Variants in TNKS observed in about 807,000 individuals in gnomAD.
The protein encoded by TNKS is poly [ADP-ribose] polymerase tankyrase-1.
TNKS carries 72 observed loss-of-function variants against 135.8 expected under a neutral mutation model. The observed-to-expected ratio is 0.53, with a 90% confidence interval of 0.44 to 0.64. The LOEUF (loss-of-function observed/expected upper bound fraction) is 0.64. Among genes scored for constraint, TNKS ranks in the 30% least tolerant of loss-of-function variants. TNKS has a pLI of 0.00. For missense variants in TNKS, 1,769 were observed against 1,674.0 expected (o/e 1.06, Z -0.99); for synonymous variants, 849 against 649.3 (o/e 1.31, Z -4.68).
chr8:9,584,678 C>T (rs767352986), intron 2 of TNKS, among the ~76,000 whole-genome samples: 9 of 152,204 alleles, frequency 5.9e-5, no homozygotes, highest in Non-Finnish European at 1.3e-4. Flanking sequence ...AATGGGGCTT[C>T]TAAACTGATA....
At chr8:9,618,981 A>G (rs1459386225) in intron 3 of TNKS, among the ~76,000 whole-genome samples, 4 of 152,238 alleles carry the variant, frequency 2.6e-5, no homozygotes, top group East Asian at 1.9e-4. Flanking sequence ...ACAACTTCAC[A>G]GTACCCTTCT....
At chr8:9,661,901 C>G (rs1177510593) in intron 3 of TNKS, among the ~76,000 whole-genome samples, 1 of 152,138 alleles carries the variant, frequency 6.6e-6, no homozygotes, top group Admixed American at 6.5e-5. Context: ...AAAAAACAAA[C>G]AACCCCATCA....
chr8:9,639,587 A>G (rs1800647601), intron 3 of TNKS, among the ~76,000 whole-genome samples: 1 of 151,232 alleles, frequency 6.6e-6, no homozygotes, highest in South Asian at 2.1e-4. Context: ...ATTATGTAAG[A>G]GACTGTAAAA....
intron 5 of TNKS, among the ~76,000 whole-genome samples, chr8:9,693,445 G>A (rs112275145): frequency 0.024 from 3,601 of 152,130 alleles, 134 homozygotes; most frequent in African/African-American, 0.08. Context: ...TTGGGAAGAG[G>A]GCTTGTTTGG....
At position 9,556,454 on chromosome 8, in the gene TNKS, C is replaced by T; in HGVS notation, c.515C>T (p.Pro172Leu). 6.2e-7 allele frequency: 1 copy of T among 1,614,152 alleles called. No individual in the cohort carries two copies. ...TAPLGPGAAG[P>L]GTGVPAVSGA... ...CCACTGGGGCCTGGGGCAGCAGGAC[C>T]TGGGACAGGGGTCCCAGCAGTGAGC... Residue 172 changes from proline (P) to leucine (L), a missense_variant, in exon 1 of 27, where the codon CCT becomes CTT. Pro to Leu is a moderately conservative substitution (Grantham distance 98). Coordinates refer to ENST00000310430, the MANE Select transcript of TNKS (RefSeq NM_003747.3).
At chr8:9,731,142 T>A (rs958530251) in intron 14 of TNKS, 107 bp downstream of exon 14, 1 of 1,288,884 alleles carries the variant, frequency 7.8e-7, no homozygotes, top group African/African-American at 1.5e-5. Context: ...GTAATCGTTA[T>A]TTTTTGTTTA....
intron 1 of TNKS, among the ~76,000 whole-genome samples, chr8:9,574,407 C>T (rs1797866283): frequency 6.6e-6 from 1 of 152,178 alleles, no homozygotes; most frequent in African/African-American, 2.4e-5. Flanking sequence ...TTTGACCCAG[C>T]TGTACTTTCA....
At chr8:9,558,339 A>G (rs1036104757) in intron 1 of TNKS, 14 of 152,178 alleles carry the variant, frequency 9.2e-5, no homozygotes, top group African/African-American at 3.4e-4. Flanking sequence ...TGAATCAGAA[A>G]CAGACTTTTG....
At position 9,776,838 on chromosome 8, in the gene TNKS, C is replaced by A; in HGVS notation, c.*102C>A. 1 of 1,138,360 alleles carries A rather than the reference C, an allele frequency of 8.8e-7. No homozygotes were observed. The highest frequency in any genetic ancestry group is 1.3e-6 in the Non-Finnish European group (1 of 778,210). 70.5% of individuals were successfully genotyped at this position (1,138,360 alleles called of 1,614,324 possible). A position where few individuals can be genotyped will look rare whatever the true frequency, so the allele number is the denominator to read the frequency against. ...TCAATATTCTAGAAGTCCCTGACAG[C>A]CTAGAAATAAGCTGTTTGTCTTCTA... On this transcript the variant is annotated 3_prime_UTR_variant, in exon 27 of 27. Transcript: ENST00000310430.
chr8:9,729,314 C>A (rs1439258469), intron 13 of TNKS, among the ~76,000 whole-genome samples: 1 of 152,182 alleles, frequency 6.6e-6, no homozygotes, highest in Non-Finnish European at 1.5e-5. Flanking sequence ...ACTCCTACTT[C>A]CTCTATCAGT....
intron 3 of TNKS, among the ~76,000 whole-genome samples, chr8:9,638,866 A>G (rs2128775576): frequency 6.6e-6 from 1 of 152,310 alleles, no homozygotes; most frequent in South Asian, 2.1e-4. Context: ...CTGAGTGTAT[A>G]TCTATTTTTC....
At chr8:9,701,366 C>T (rs879671570) in intron 5 of TNKS, among the ~76,000 whole-genome samples, 9 of 152,100 alleles carry the variant, frequency 5.9e-5, no homozygotes, top group South Asian at 2.1e-4. Flanking sequence ...AAAGATAATA[C>T]GAAAATGGAG....
At chr8:9,676,122 C>T (rs1022771551) in intron 3 of TNKS, among the ~76,000 whole-genome samples, 2 of 151,178 alleles carry the variant, frequency 1.3e-5, no homozygotes, top group Non-Finnish European at 2.9e-5. Flanking sequence ...AAGAGATTCT[C>T]CTGCCTCAGC....
chr8:9,584,021 G>A lies in TNKS; in HGVS notation c.898+3638G>A, dbSNP rs555516854. Among the ~76,000 whole-genome samples the A allele has an allele frequency of 3.0e-4, 46 of 151,592 alleles. No individual in the cohort carries two copies. The South Asian group carries it at 4.4e-3, about 15-fold the overall frequency. ...CTACTAAAAATACAAAAAATTAGCC[G>A]GGCGTGGTGGTGGGCGCCTGTAGTC... On this transcript the variant is annotated intron_variant, in intron 2 of 26. Coordinates refer to ENST00000310430, the MANE Select transcript of TNKS (RefSeq NM_003747.3).
intron 5 of TNKS, among the ~76,000 whole-genome samples, chr8:9,689,831 A>G (rs1202773279): frequency 1.3e-5 from 2 of 152,214 alleles, no homozygotes; most frequent in Non-Finnish European, 2.9e-5. Flanking sequence ...CTATCTAATG[A>G]TCTAAGGTGG....
intron 22 of TNKS, among the ~76,000 whole-genome samples, chr8:9,763,808 A>T (rs188254641): frequency 1.3e-5 from 2 of 152,302 alleles, no homozygotes; most frequent in Non-Finnish European, 1.5e-5. Flanking sequence ...ATGCATAAAC[A>T]AACAGCCTAA....
chr8:9,725,131 C>A (rs1805097937), intron 12 of TNKS, among the ~76,000 whole-genome samples: 1 of 152,040 alleles, frequency 6.6e-6, no homozygotes, highest in African/African-American at 2.4e-5. Flanking sequence ...TGTATGTGCA[C>A]ACTTATAATG....
intron 19 of TNKS, 111 bp downstream of exon 19, chr8:9,751,957 A>G: frequency 1.1e-6 from 1 of 912,272 alleles, no homozygotes; most frequent in Non-Finnish European, 1.7e-6. Context: ...TCCTGTCTGT[A>G]AATTTTCATA....
chr8:9,639,567 G>A (rs1463230697), intron 3 of TNKS, among the ~76,000 whole-genome samples: 4 of 139,140 alleles, frequency 2.9e-5, no homozygotes, highest in Non-Finnish European at 4.6e-5. Context: ...TTTCAATCTT[G>A]TATCTTTTCA....
Sources: gnomAD v4.1 joint callset for allele counts (sites outside exome capture counted in the v4.1 genomes callset) on GRCh38, gnomAD v4.1.1 for gene constraint, MANE v1.5 for transcripts, NCBI Gene and HGNC (gene_info 2026-07-23, HGNC 2026-07-21) for gene names.